The following TSEN2 variants were observed in gnomAD, a reference collection of about 807,000 sequenced individuals.
The protein encoded by TSEN2 is tRNA splicing endonuclease subunit 2, also known as tRNA-splicing endonuclease subunit Sen2.
A neutral mutation model predicts 59.2 loss-of-function variants in TSEN2; 54 were observed. The ratio of observed to expected loss-of-function variants is 0.91; its 90% CI spans 0.73 to 1.14. The LOEUF (loss-of-function observed/expected upper bound fraction) is 1.14. TSEN2 is among the 50% of genes most tolerant of loss of function. The pLI is 0.00. For synonymous variants in TSEN2, 195 were observed against 198.2 expected, an observed-to-expected ratio of 0.98 and a Z score of 0.14; for missense variants, 636 against 576.2, an observed-to-expected ratio of 1.10 and a Z score of -1.06.
chr3:12,510,983 T>C (rs1020891105), intron 6 of TSEN2: 1 of 151,988 alleles, frequency 6.6e-6, no homozygotes, highest in African/African-American at 2.4e-5. Flanking sequence ...CACAGGAAAC[T>C]TCAGGTGAAC....
intron 10 of TSEN2, chr3:12,530,259 G>A (rs1011567446): frequency 2.0e-6 from 2 of 1,009,606 alleles, no homozygotes; most frequent in African/African-American, 3.5e-5. Flanking sequence ...TTGAAAGTTT[G>A]CAGATCTCTT....
chr3:12,530,885 GCTGTACAT>G, intron 10 of TSEN2: 3 of 363,956 alleles, frequency 8.2e-6, no homozygotes, highest in Non-Finnish European at 1.1e-5. Flanking sequence ...TTGAAGACCT[GCTGTACAT>G]CTGTATTAGT....
At chr3:12,490,066 C>A in intron 2 of TSEN2, 77 bp downstream of exon 2, 2 of 1,315,828 alleles carry the variant, frequency 1.5e-6, no homozygotes, top group South Asian at 1.2e-5. Context: ...CCCATCCCAG[C>A]CATACCCCCA....
chr3:12,527,727 G>A (rs1426128574), intron 8 of TSEN2, among the ~76,000 whole-genome samples: 1 of 152,066 alleles, frequency 6.6e-6, no homozygotes. Flanking sequence ...TCTGATTGGC[G>A]GCCCAATCAA....
chr3:12,502,494 C>T (rs953225647), intron 4 of TSEN2, among the ~76,000 whole-genome samples: 1 of 152,002 alleles, frequency 6.6e-6, no homozygotes, highest in African/African-American at 2.4e-5. Flanking sequence ...CGAAATCGTG[C>T]CACTGCACTC....
At chr3:12,481,502 T>A (rs1370288820), upstream of TSEN2, among the ~76,000 whole-genome samples, 1 of 152,172 alleles carries the variant, frequency 6.6e-6, no homozygotes, top group East Asian at 1.9e-4. Context: ...GTTTTTCACA[T>A]TTTTGTGCTT....
At chr3:12,485,347 G>A (rs1231976119) in intron 1 of TSEN2, among the ~76,000 whole-genome samples, 4 of 152,178 alleles carry the variant, frequency 2.6e-5, no homozygotes, top group Non-Finnish European at 4.4e-5. Flanking sequence ...CTCGAGGGAA[G>A]AATAAGAAAC....
chr3:12,526,508 G>C (rs1333089670), intron 8 of TSEN2, among the ~76,000 whole-genome samples: 1 of 152,048 alleles, frequency 6.6e-6, no homozygotes, highest in Non-Finnish European at 1.5e-5. Flanking sequence ...GTGTGTGGTG[G>C]GCTGTACCAT....
chr3:12,525,701 C>T (rs1196794942), intron 8 of TSEN2, among the ~76,000 whole-genome samples: 2 of 152,142 alleles, frequency 1.3e-5, no homozygotes, highest in African/African-American at 4.8e-5. Flanking sequence ...GGACTACAGG[C>T]ATGCATTACC....
chr3:12,517,197 A>G (rs2056216241), intron 7 of TSEN2, among the ~76,000 whole-genome samples: 4 of 152,028 alleles, frequency 2.6e-5, no homozygotes, highest in Non-Finnish European at 1.5e-5. Flanking sequence ...TCTACTAAAA[A>G]AATACAAAAA....
chr3:12,498,566 T>C (rs1455768719), intron 4 of TSEN2, among the ~76,000 whole-genome samples: 2 of 152,226 alleles, frequency 1.3e-5, no homozygotes, highest in Non-Finnish European at 2.9e-5. Context: ...ATTTAAATGT[T>C]CAATTTGCCG....
chr3:12,493,173 G>A (rs1188614594), intron 3 of TSEN2, among the ~76,000 whole-genome samples: 1 of 152,184 alleles, frequency 6.6e-6, no homozygotes, highest in Non-Finnish European at 1.5e-5. Flanking sequence ...CTCATCTGCT[G>A]ATGGACACTT....
upstream of TSEN2, among the ~76,000 whole-genome samples, chr3:12,481,306 G>A (rs2124841478): frequency 6.6e-6 from 1 of 152,270 alleles, no homozygotes; most frequent in South Asian, 2.1e-4. Flanking sequence ...AAACTTATTG[G>A]TAACATCACA....
chr3:12,513,211 T>G (rs2055684111), intron 6 of TSEN2, among the ~76,000 whole-genome samples: 1 of 152,358 alleles, frequency 6.6e-6, no homozygotes, highest in East Asian at 1.9e-4. Context: ...TTGCTGATAA[T>G]GAAAACACAT....
At chr3:12,518,974 C>A in intron 7 of TSEN2, 85 bp from the exon 8 acceptor site, 1 of 1,354,054 alleles carries the variant, frequency 7.4e-7, no homozygotes, top group Non-Finnish European at 1.1e-6. Context: ...CAGCTCCACA[C>A]TTAGTATAGA....
intron 11 of TSEN2, among the ~76,000 whole-genome samples, chr3:12,532,361 G>C (rs2057516612): frequency 6.6e-6 from 1 of 152,108 alleles, no homozygotes; most frequent in Non-Finnish European, 1.5e-5. Flanking sequence ...CACAGACCTA[G>C]CTCTAATGTA....
upstream of TSEN2, among the ~76,000 whole-genome samples, chr3:12,481,895 A>ATG (rs1303096487): frequency 1.2e-5 from 1 of 80,802 alleles, no homozygotes; most frequent in African/African-American, 7.4e-5. Context: ...CACAGTTGAT[A>ATG]TATGTGTGTG....
Position 12,529,808 on chromosome 3 carries a change from C to A in TSEN2, c.1183C>A (p.Leu395Ile), listed in dbSNP as rs1236979204. ...AGTTGATGACCATTTTGAAGGCTCT[C>A]TCCGCAGGCCTCTCAGTTGGAAGTC... ...ELVDDHFEGSLRRPLSWKSLA... is the reference protein window; with the variant it reads ...ELVDDHFEGSIRRPLSWKSLA... The change falls in exon 10 of 12, where the codon CTC (leucine) becomes ATC (isoleucine). Residue 395 changes from leucine to isoleucine, a missense_variant. Coordinates refer to ENST00000284995, the MANE Select transcript of TSEN2 (RefSeq NM_025265.4). 6.2e-7 allele frequency: 1 copy of A among 1,614,160 alleles called. No individual in the cohort carries two copies. The highest frequency in any genetic ancestry group is 8.5e-7 in the Non-Finnish European group (1 of 1,180,046).
At chr3:12,525,445 C>T (rs2056999142) in intron 8 of TSEN2, among the ~76,000 whole-genome samples, 1 of 152,176 alleles carries the variant, frequency 6.6e-6, no homozygotes, top group Non-Finnish European at 1.5e-5. Flanking sequence ...AATTATTGCA[C>T]TAATCATTTT....
Sources: gnomAD v4.1 joint callset for allele counts (sites outside exome capture counted in the v4.1 genomes callset) on GRCh38, gnomAD v4.1.1 for gene constraint, MANE v1.5 for transcripts, NCBI Gene and HGNC (gene_info 2026-07-23, HGNC 2026-07-21) for gene names.